PRDX4: variants seen among roughly 807,000 people sequenced by gnomAD.
PRDX4 encodes the protein peroxiredoxin-4.
PRDX4 carries 12 observed loss-of-function variants against 20.5 expected under a neutral mutation model. The ratio of observed to expected loss-of-function variants is 0.58; its 90% confidence interval spans 0.37 to 0.95. The LOEUF is 0.95. Ranked by LOEUF, PRDX4 falls within the 40% of genes least tolerant of loss-of-function variation. The probability of loss-of-function intolerance (pLI) is 0.01; values close to 1 mark genes in which losing one functional copy is unlikely to be tolerated. For synonymous variants in PRDX4, 99 were observed against 87.5 expected (o/e 1.13, Z -0.73); for missense variants, 180 against 207.3 (o/e 0.87, Z 0.81).
chrX:23,685,485 A>G (rs1221990597), intron 6 of PRDX4, among the ~76,000 whole-genome samples: 1 of 111,888 alleles, frequency 8.9e-6, no homozygotes, highest in Non-Finnish European at 1.9e-5. Context: ...GTAATTTCAA[A>G]TCCCCTTTGA....
At chrX:23,677,768 G>C (rs1927977022) in intron 3 of PRDX4, among the ~76,000 whole-genome samples, 1 of 111,065 alleles carries the variant, frequency 9.0e-6, no homozygotes, top group African/African-American at 3.3e-5. Flanking sequence ...GTGTATAAAA[G>C]TAAGAATACA....
intron 3 of PRDX4, 29 bp from the exon 4 acceptor site, chrX:23,679,136 C>CT (rs1235117741): frequency 8.3e-7 from 1 of 1,199,484 alleles, no homozygotes; most frequent in Non-Finnish European, 1.1e-6. Context: ...TTACTTAGCT[C>CT]TGAGAGGTAA....
chrX:23,679,001 A>C (rs1928006193), intron 3 of PRDX4, among the ~76,000 whole-genome samples, 164 bp from the exon 4 acceptor site: 1 of 112,527 alleles, frequency 8.9e-6, no homozygotes, highest in African/African-American at 3.2e-5. Flanking sequence ...ATATGAATAT[A>C]TTAAATGGGA....
intron 2 of PRDX4, among the ~76,000 whole-genome samples, chrX:23,672,516 C>T (rs1382790953): frequency 9.0e-6 from 1 of 111,492 alleles, no homozygotes; most frequent in Non-Finnish European, 1.9e-5. Context: ...AAGTAAATAC[C>T]CTTACAGCTT....
chrX:23,679,640 C>G (rs917840595), intron 4 of PRDX4, among the ~76,000 whole-genome samples: 2 of 102,791 alleles, frequency 1.9e-5, no homozygotes, highest in African/African-American at 3.6e-5. Flanking sequence ...GAGCCCAGAT[C>G]ATGCCACTGC....
At chrX:23,674,911 T>G in intron 2 of PRDX4, 79 bp from the exon 3 acceptor site, 3 of 1,112,542 alleles carry the variant, frequency 2.7e-6, no homozygotes, top group Non-Finnish European at 3.6e-6. Flanking sequence ...TTAAAGGTAT[T>G]TGTAAAAATT....
intron 3 of PRDX4, 163 bp downstream of exon 3, chrX:23,675,269 A>G (rs1927924782): frequency 2.2e-5 from 22 of 987,469 alleles, no homozygotes; most frequent in Non-Finnish European, 2.8e-5. Context: ...TTTCCAGGTT[A>G]AAAAAAGAGA....
chrX:23,682,611 T>C, intron 5 of PRDX4, 85 bp downstream of exon 5: 1 of 751,244 alleles, frequency 1.3e-6, no homozygotes, highest in Non-Finnish European at 1.8e-6. Flanking sequence ...GTAATCGATA[T>C]TTCCAAAGTT....
chrX:23,679,291 C>T lies in PRDX4; in HGVS notation c.599+4C>T. On this transcript the variant is annotated splice_donor_region_variant and intron_variant, in intron 4 of 6. Coordinates refer to ENST00000379341, the MANE Select transcript of PRDX4 (RefSeq NM_006406.2). Reference sequence around the variant, plus strand: ...AGGACTCAGGCCACACTCTTAGGTACCTTTCAGTGGTTTTATATTATGACA... The same window carrying T: ...AGGACTCAGGCCACACTCTTAGGTATCTTTCAGTGGTTTTATATTATGACA... 8.4e-7 allele frequency: 1 copy of T among 1,191,212 alleles called. No individual in the cohort carries two copies. The highest frequency in any genetic ancestry group is 1.1e-6 in the Non-Finnish European group (1 of 885,523).
chrX:23,674,021 A>G (rs1262471184), intron 2 of PRDX4, among the ~76,000 whole-genome samples: 1 of 111,093 alleles, frequency 9.0e-6, no homozygotes, highest in African/African-American at 3.3e-5. Flanking sequence ...GTTGTCAGCC[A>G]GTACACAGGC....
chrX:23,668,304 GATT>G (rs1927773117), intron 1 of PRDX4, among the ~76,000 whole-genome samples: 1 of 112,295 alleles, frequency 8.9e-6, no homozygotes, highest in African/African-American at 3.2e-5. Flanking sequence ...ATCTTACAAA[GATT>G]ATTACTGAAA....
rs760920172 is a variant in PRDX4 at position 23,671,854 on chromosome X, T to C, written c.359+208T>C. ...TTATGTCTACATGATTATGTTATAA[T>C]GGAATAATTAGAGGAAAGCTACAAT... On this transcript the variant is annotated intron_variant, in intron 2 of 6. Transcript: ENST00000379341. 3.6e-5 allele frequency among the ~76,000 whole-genome samples: 4 copies of C among 112,479 alleles called. No individual in the cohort carries two copies. In the South Asian group the frequency reaches 1.5e-3, roughly 41 times the overall value.
At chrX:23,685,963 T>A (rs1344246832) in intron 6 of PRDX4, 5 of 323,031 alleles carry the variant, frequency 1.5e-5, no homozygotes, top group Non-Finnish European at 2.9e-5. Flanking sequence ...TACATTAACA[T>A]CTGTAGCCAT....
chrX:23,676,881 G>T (rs924985177), intron 3 of PRDX4, among the ~76,000 whole-genome samples: 1 of 110,658 alleles, frequency 9.0e-6, no homozygotes, highest in Non-Finnish European at 1.9e-5. Context: ...TGTTGCCCAG[G>T]CTGGAGTGCA....
intron 4 of PRDX4, among the ~76,000 whole-genome samples, chrX:23,680,785 C>G (rs1928052064): frequency 1.8e-5 from 2 of 110,058 alleles, no homozygotes; most frequent in African/African-American, 6.6e-5. Context: ...TGGCACATTC[C>G]TGTAGTCCCA....
intron 1 of PRDX4, among the ~76,000 whole-genome samples, chrX:23,669,437 T>C (rs768683083): frequency 8.9e-6 from 1 of 112,142 alleles, no homozygotes; most frequent in Non-Finnish European, 1.9e-5. Flanking sequence ...CATTTCTCTG[T>C]CACATGTAGG....
At chrX:23,672,599 GAA>G (rs1200791126) in intron 2 of PRDX4, among the ~76,000 whole-genome samples, 6 of 112,184 alleles carry the variant, frequency 5.3e-5, no homozygotes, top group Non-Finnish European at 1.9e-5. Flanking sequence ...ATGAAAGTGA[GAA>G]GAGACCAAAA....
In PRDX4 at chrX:23,685,567, G is replaced by GT. The variant is rs768261484; in HGVS notation, c.766-714dup. 3.6e-5 allele frequency among the ~76,000 whole-genome samples: 4 copies of GT among 111,263 alleles called. No individual in the cohort carries two copies. In the South Asian group the frequency reaches 1.5e-3, roughly 41 times the overall value. The stretch of plus-strand genomic sequence containing the variant: ...TTAACTTTGACCTCAAAGCAAAACT[G>GT]TTTTGCAAACCCATCAGAAATTGAT... On this transcript the variant is annotated intron_variant, in intron 6 of 6. Transcript: ENST00000379341.
chrX:23,675,006 A>G lies in PRDX4; in HGVS notation c.376A>G (p.Thr126Ala). ...ACCTTTCAGCACATTTGTGTGTCCA[A>G]CTGAAATTATCGCTTTTGGCGACAG... ...YPLDFTFVCPTEIIAFGDRLE... is the reference protein window; with the variant it reads ...YPLDFTFVCPAEIIAFGDRLE... The change falls in exon 3 of 7, where the codon ACT becomes GCT. Residue 126 changes from threonine (T) to alanine (A), a missense_variant. Physicochemically the swap from Thr to Ala is moderately conservative, Grantham distance 58. Transcript: ENST00000379341. The G allele has an allele frequency of 2.5e-6, 3 of 1,210,296 alleles. No homozygotes were observed. The highest frequency in any genetic ancestry group is 1.8e-5 in the South Asian group (1 of 56,623).
Sources: gnomAD v4.1 joint callset for allele counts (sites outside exome capture counted in the v4.1 genomes callset) on GRCh38, gnomAD v4.1.1 for gene constraint, MANE v1.5 for transcripts, NCBI Gene and HGNC (gene_info 2026-07-23, HGNC 2026-07-21) for gene names.